The following PSORS1C1 variants were observed in gnomAD, a reference collection of about 807,000 sequenced individuals.
PSORS1C1 encodes psoriasis susceptibility 1 candidate 1, also known as psoriasis susceptibility 1 candidate gene 1 protein.
A neutral mutation model predicts 9.4 loss-of-function variants in PSORS1C1; 7 were observed. That is an observed-to-expected ratio of 0.75 (90% CI 0.42 to 1.40). PSORS1C1 has a LOEUF of 1.40. Among genes scored for constraint, PSORS1C1 ranks in the 40% most tolerant of loss-of-function variants. The pLI, the probability that PSORS1C1 is intolerant of heterozygous loss-of-function variation, is 0.01. For missense variants in PSORS1C1, 146 were observed against 178.1 expected, an observed-to-expected ratio of 0.82 and a Z score of 1.02; for synonymous variants, 63 against 69.4, an observed-to-expected ratio of 0.91 and a Z score of 0.46.
chr6:31,139,682 A>G lies in PSORS1C1; in HGVS notation c.209A>G (p.His70Arg), dbSNP rs1773347920. ...CAAGCAATGATATCCAAGGAATTCC[A>G]TCTGGCAGCCACCCAGGATGACTGC... The part of the protein sequence containing the change: ...DLQAMISKEF[H>R]LAATQDDCRK... Residue 70 changes from histidine (H) to arginine (R), a missense_variant, in exon 6 of 6, where the codon CAT becomes CGT. Physicochemically the swap from His to Arg is conservative, Grantham distance 29. Transcript: ENST00000259881. The surrounding 1 kb of genome is among the most constrained non-coding windows in gnomAD (Gnocchi z 5.2). 4 of 1,612,846 alleles carry G rather than the reference A, an allele frequency of 2.5e-6. No homozygotes were observed. The highest frequency in any genetic ancestry group is 3.4e-6 in the Non-Finnish European group (4 of 1,179,988).
intron 1 of PSORS1C1, 47 bp downstream of exon 1, chr6:31,114,938 G>T (rs1772024993): frequency 4.5e-6 from 2 of 447,624 alleles, no homozygotes; most frequent in Non-Finnish European, 4.5e-6. Flanking sequence ...GTGGGGAGGG[G>T]AGGGGAGGGG....
intron 1 of PSORS1C1, among the ~76,000 whole-genome samples, chr6:31,123,590 G>A (rs954379824): frequency 2.6e-5 from 4 of 152,210 alleles, no homozygotes; most frequent in Admixed American, 6.5e-5. Flanking sequence ...TGTGGGTGGC[G>A]TAGACACTCT....
chr6:31,138,398 G>T (rs775859958), intron 3 of PSORS1C1, 32 bp from the exon 4 acceptor site: 1 of 1,612,560 alleles, frequency 6.2e-7, no homozygotes, highest in Admixed American at 1.7e-5. Context: ...AGCCTGTCTG[G>T]ATGGACGCAG....
chr6:31,116,526 A>T (rs757306611), intron 1 of PSORS1C1: 8 of 1,613,532 alleles, frequency 5.0e-6, no homozygotes, highest in Non-Finnish European at 6.8e-6. Context: ...TGGCCGAGGA[A>T]GCTGCCGACT....
At chr6:31,117,262 G>A in intron 1 of PSORS1C1, 2 of 1,609,224 alleles carry the variant, frequency 1.2e-6, no homozygotes, top group Non-Finnish European at 1.7e-6. Flanking sequence ...AGATCCGGAG[G>A]AGTAGCTGAC....
intron 1 of PSORS1C1, among the ~76,000 whole-genome samples, chr6:31,119,897 C>T (rs1293901358): frequency 1.6e-5 from 2 of 122,368 alleles, no homozygotes; most frequent in African/African-American, 6.6e-5. Context: ...CAGAGTGGGA[C>T]TCCATCTCAC....
intron 3 of PSORS1C1, among the ~76,000 whole-genome samples, chr6:31,131,703 C>A (rs577293452): frequency 1.2e-4 from 19 of 152,126 alleles, no homozygotes; most frequent in African/African-American, 4.6e-4. Flanking sequence ...GCCATTTGTC[C>A]CCTGTGTGAC....
At chr6:31,117,228 G>C in intron 1 of PSORS1C1, 1 of 1,613,540 alleles carries the variant, frequency 6.2e-7, no homozygotes, top group Non-Finnish European at 8.5e-7. Context: ...GGGAGGAACC[G>C]GATGCACCTT....
chr6:31,135,476 C>T (rs1356220529), intron 3 of PSORS1C1, among the ~76,000 whole-genome samples: 1 of 152,104 alleles, frequency 6.6e-6, no homozygotes, highest in African/African-American at 2.4e-5. Flanking sequence ...CCTCAGCCTC[C>T]CAAATGCTGG....
chr6:31,114,926 G>A (rs1446425245), intron 1 of PSORS1C1, 35 bp downstream of exon 1: 6 of 453,710 alleles, frequency 1.3e-5, no homozygotes, highest in Non-Finnish European at 1.3e-5. Context: ...AAAGGAGTTT[G>A]GGTGGGGAGG....
chr6:31,115,524 T>G lies in PSORS1C1; in HGVS notation c.-229+633T>G. 1 of 166,634 alleles carries G rather than the reference T, an allele frequency of 6.0e-6. No individual in the cohort carries two copies. The highest frequency in any genetic ancestry group is 1.3e-5 in the Non-Finnish European group (1 of 76,004). 10.3% of individuals were successfully genotyped at this position (166,634 alleles called of 1,614,324 possible). A position where few individuals can be genotyped will look rare whatever the true frequency, so the allele number is the denominator to read the frequency against. On this transcript the variant is annotated intron_variant, in intron 1 of 5. Coordinates refer to ENST00000259881, the MANE Select transcript of PSORS1C1 (RefSeq NM_014068.3). The surrounding 1 kb of genome is among the most constrained non-coding windows in gnomAD (Gnocchi z 4.2). ...TTGGGAGCGAGAGCCCAGTGGCATA[T>G]TGGGTGGGTTGACTAGATGTCGAAG...
intron 1 of PSORS1C1, chr6:31,120,251 G>A (rs1772379990): frequency 4.7e-6 from 5 of 1,075,146 alleles, no homozygotes; most frequent in Non-Finnish European, 7.0e-6. Flanking sequence ...AGATTCCAGA[G>A]CCCCTGCCTG....
intron 3 of PSORS1C1, among the ~76,000 whole-genome samples, chr6:31,133,307 G>A (rs1400141633): frequency 6.6e-6 from 1 of 152,142 alleles, no homozygotes; most frequent in Non-Finnish European, 1.5e-5. Context: ...GGGAAGGAGT[G>A]GTGTAGGCAG....
chr6:31,115,029 C>T lies in PSORS1C1; in HGVS notation c.-229+138C>T. The T allele has an allele frequency of 2.6e-6, 1 of 378,646 alleles. No individual in the cohort carries two copies. Among genetic ancestry groups the T allele is most frequent in the Non-Finnish European group, 5.2e-6 (1 of 191,864 alleles). The allele number at this position is 378,646 out of a possible 1,614,324, so 23.5% of individuals were successfully genotyped here. ...TGAGGAATGGGAAGAGAATGGATTT[C>T]CTGGAGCAATGAGAGAGGAGGGAAA... is the stretch of plus-strand genomic sequence containing the variant. On this transcript the variant is annotated intron_variant, in intron 1 of 5. Transcript: ENST00000259881. This position sits in a 1 kb window ranked among gnomAD's most constrained non-coding sequence, Gnocchi z 4.2.
chr6:31,116,275 G>A lies in PSORS1C1; in HGVS notation c.-229+1384G>A, dbSNP rs201876916. 1.8e-4 allele frequency: 285 copies of A among 1,614,148 alleles called. No individual in the cohort carries two copies. Among genetic ancestry groups the A allele is most frequent in the Non-Finnish European group, 2.3e-4 (269 of 1,180,010 alleles). ...AGAAGAGCTGGACTTGCTGCCACAA[G>A]GCTGAAGGATGATTTTGCCACTGGA... On this transcript the variant is annotated intron_variant, in intron 1 of 5. Transcript: ENST00000259881.
At chr6:31,136,946 C>T (rs888027190) in intron 3 of PSORS1C1, among the ~76,000 whole-genome samples, 39 of 151,748 alleles carry the variant, frequency 2.6e-4, no homozygotes, top group Middle Eastern at 3.4e-3. Context: ...GTCAGGAGTT[C>T]GAGACCAGCC....
At chr6:31,120,668 C>G (rs895031302) in intron 1 of PSORS1C1, among the ~76,000 whole-genome samples, 4 of 152,138 alleles carry the variant, frequency 2.6e-5, no homozygotes, top group Non-Finnish European at 5.9e-5. Flanking sequence ...GATCCTGCCA[C>G]CTGACAGGCC....
chr6:31,120,685 C>T (rs1285269039), intron 1 of PSORS1C1, among the ~76,000 whole-genome samples: 1 of 152,092 alleles, frequency 6.6e-6, no homozygotes, highest in East Asian at 1.9e-4. Context: ...GGCCTGGCCC[C>T]GGCTCCTCAT....
chr6:31,116,788 C>T (rs1337038395), intron 1 of PSORS1C1: 8 of 1,613,622 alleles, frequency 5.0e-6, no homozygotes, highest in Non-Finnish European at 6.8e-6. Context: ...TGGAAGGCCA[C>T]CATTGCTACA....
Sources: allele counts gnomAD v4.1 joint callset (sites outside exome capture counted in the v4.1 genomes callset), GRCh38; gene constraint gnomAD v4.1.1; non-coding constraint Gnocchi (gnomAD v3.1); transcripts MANE v1.5; gene names NCBI Gene and HGNC (gene_info 2026-07-23, HGNC 2026-07-21).